Variants in SEL1L3 observed in about 807,000 individuals in gnomAD.
SEL1L3 encodes protein sel-1 homolog 3.
Under a neutral mutation model 142.8 loss-of-function variants are expected in SEL1L3, and 76 were observed. That is an observed-to-expected ratio of 0.53 (90% CI 0.44 to 0.64). The LOEUF (loss-of-function observed/expected upper bound fraction) is 0.64. SEL1L3 is among the 30% of genes least tolerant of loss of function. The pLI is 0.00. For synonymous variants in SEL1L3, 504 were observed against 519.6 expected, an observed-to-expected ratio of 0.97 and a Z score of 0.41; for missense variants, 1,262 against 1,381.7, an observed-to-expected ratio of 0.91 and a Z score of 1.37.
chr4:25,830,245 T>C (rs1235185477), intron 5 of SEL1L3, 89 bp from the exon 6 acceptor site: 1 of 796,054 alleles, frequency 1.3e-6, no homozygotes, highest in African/African-American at 1.7e-5. Flanking sequence ...TCATGATATG[T>C]GTTGGAGAGT....
intron 23 of SEL1L3, among the ~76,000 whole-genome samples, chr4:25,752,144 C>T (rs1392832756): frequency 4.8e-5 from 7 of 146,040 alleles, no homozygotes; most frequent in African/African-American, 1.3e-4. Flanking sequence ...GGGCAAGGTG[C>T]GGTGGCTAAC....
chr4:25,792,231 A>C (rs1712389454), intron 11 of SEL1L3, among the ~76,000 whole-genome samples: 1 of 152,090 alleles, frequency 6.6e-6, no homozygotes, highest in South Asian at 2.1e-4. Flanking sequence ...TAATCCTCAT[A>C]ACAAAGCTTC....
intron 20 of SEL1L3, among the ~76,000 whole-genome samples, chr4:25,763,016 T>C (rs1160833546): frequency 1.3e-5 from 2 of 150,162 alleles, no homozygotes; most frequent in East Asian, 3.9e-4. Flanking sequence ...ATAGATAACA[T>C]GACAGATACA....
At chr4:25,810,397 A>G (rs1002835446) in intron 9 of SEL1L3, among the ~76,000 whole-genome samples, 5 of 152,138 alleles carry the variant, frequency 3.3e-5, no homozygotes, top group African/African-American at 1.2e-4. Flanking sequence ...CCCAGTCCTC[A>G]TCGCATCTCT....
At chr4:25,858,074 G>A (rs1352757776) in intron 1 of SEL1L3, among the ~76,000 whole-genome samples, 1 of 152,274 alleles carries the variant, frequency 6.6e-6, no homozygotes, top group African/African-American at 2.4e-5. Context: ...AATGGCATGA[G>A]CCATTAAACA....
intron 7 of SEL1L3, among the ~76,000 whole-genome samples, chr4:25,820,269 G>A (rs778257414): frequency 5.3e-5 from 8 of 151,970 alleles, no homozygotes; most frequent in Admixed American, 2.0e-4. Flanking sequence ...CAATTCCCAC[G>A]AAAAGATGCA....
At position 25,822,209 on chromosome 4, in the gene SEL1L3, T is replaced by G. The variant is rs1714810455; in HGVS notation, c.1158-81A>C. On this transcript the variant is annotated intron_variant, in intron 6 of 23. Transcript: ENST00000399878. The stretch of plus-strand genomic sequence containing the variant: ...AAACAGTCTCTTTCCTAGACCCTCC[T>G]TGACTTAACCCAAATTGCCCCAAGC... The G allele has an allele frequency of 1.9e-6, 3 of 1,558,510 alleles. No individual in the cohort carries two copies. In the East Asian group the frequency reaches 6.7e-5, roughly 35 times the overall value.
the SEL1L3 span, among the ~76,000 whole-genome samples, chr4:25,727,828 T>A: frequency 0.034 from 5,232 of 152,196 alleles, 307 homozygotes; most frequent in African/African-American, 0.12. Context: ...AGAGATTGGG[T>A]GCCTGTCATG....
chr4:25,742,537 C>G (rs1018625345), downstream of SEL1L3, among the ~76,000 whole-genome samples: 2 of 152,102 alleles, frequency 1.3e-5, no homozygotes, highest in Non-Finnish European at 2.9e-5. Context: ...ACCTCGTGAT[C>G]TGCCTGCCTC....
chr4:25,846,754 C>T (rs965863785), intron 2 of SEL1L3, among the ~76,000 whole-genome samples: 2 of 151,662 alleles, frequency 1.3e-5, no homozygotes, highest in Non-Finnish European at 2.9e-5. Context: ...ACTAAAAATA[C>T]AAAAATTAGC....
intron 11 of SEL1L3, among the ~76,000 whole-genome samples, chr4:25,799,383 CTT>C (rs1713021527): frequency 1.3e-5 from 2 of 152,122 alleles, no homozygotes; most frequent in Non-Finnish European, 1.5e-5. Flanking sequence ...CCTCTAATCT[CTT>C]TTTATAGGGA....
rs1026075450 is a variant in SEL1L3, at chr4:25,747,463, C to T, written c.*962G>A. 1.3e-5 allele frequency: 2 copies of T among 152,072 alleles called. No homozygotes were observed. Among genetic ancestry groups the T allele is most frequent in the Non-Finnish European group, 2.9e-5 (2 of 68,022 alleles). The allele number at this position is 152,072 out of a possible 1,614,324, so 9.4% of individuals were successfully genotyped here. A position where few individuals can be genotyped will look rare whatever the true frequency, so the allele number is the denominator to read the frequency against. ...TGTATAAAAATAATTTTATTTACTA[C>T]TGTAAATAAAGTAGTGCAAAGAGTA... On this transcript the variant is annotated 3_prime_UTR_variant, in exon 24 of 24. Transcript: ENST00000399878.
At chr4:25,774,108 C>T (rs1719431397) in intron 17 of SEL1L3, among the ~76,000 whole-genome samples, 1 of 152,062 alleles carries the variant, frequency 6.6e-6, no homozygotes, top group African/African-American at 2.4e-5. Flanking sequence ...AGTTATCAGG[C>T]AATTGACATG....
At chr4:25,755,933 G>A (rs1313801751) in intron 23 of SEL1L3, 7 of 985,136 alleles carry the variant, frequency 7.1e-6, no homozygotes, top group African/African-American at 1.7e-5. Context: ...TTAAGGATGG[G>A]ACAGAATTTG....
intron 2 of SEL1L3, among the ~76,000 whole-genome samples, chr4:25,836,596 G>C (rs1448111766): frequency 1.3e-5 from 2 of 152,154 alleles, no homozygotes; most frequent in East Asian, 3.8e-4. Context: ...AGGTTGCTGT[G>C]AGCTGAGATG....
At chr4:25,850,031 C>A (rs573294581) in intron 1 of SEL1L3, among the ~76,000 whole-genome samples, 1 of 152,218 alleles carries the variant, frequency 6.6e-6, no homozygotes, top group African/African-American at 2.4e-5. Context: ...AAGGGAAAGG[C>A]ACTGCAAGGG....
At chr4:25,843,513 G>A (rs1280641335) in intron 2 of SEL1L3, among the ~76,000 whole-genome samples, 1 of 152,220 alleles carries the variant, frequency 6.6e-6, no homozygotes, top group Non-Finnish European at 1.5e-5. Flanking sequence ...TCACTGGCCT[G>A]CATGGCTGAT....
chr4:25,862,781 G>C lies in SEL1L3; in HGVS notation c.56C>G (p.Pro19Arg), dbSNP rs535000774. ...GGCCCGGGGGCCGACCGCGAGCGGC[G>C]GGGGTTGCTGCTGCTGCTGCCGCGG... ...GWPRQQQQQP[P>R]PLAVGPRAAA... is the part of the protein sequence containing the mutation. The change falls in exon 1 of 24, where the codon CCG (proline) becomes CGG (arginine). Residue 19 changes from proline (P) to arginine (R), a missense_variant. By Grantham distance (103) the Pro-to-Arg change is moderately radical. Around this residue, in one of 3 missense-constraint regions of SEL1L3, gnomAD observed 689 missense variants for 692.8 expected, o/e 0.99. Coordinates refer to ENST00000399878, the MANE Select transcript of SEL1L3 (RefSeq NM_015187.5). 4 of 1,192,642 alleles carry C rather than the reference G, an allele frequency of 3.4e-6. No individual in the cohort carries two copies. Among genetic ancestry groups the C allele is most frequent in the Non-Finnish European group, 3.1e-6 (3 of 963,732 alleles). The allele number at this position is 1,192,642 out of a possible 1,614,324, so 73.9% of individuals were successfully genotyped here.
chr4:25,714,500 T>C, the SEL1L3 span, among the ~76,000 whole-genome samples: 104 of 109,016 alleles, frequency 9.5e-4, 2 homozygotes, highest in East Asian at 9.9e-3. Context: ...CTTTCTTTCT[T>C]TTTCTTTCTT....
Sources: allele counts gnomAD v4.1 joint callset (sites outside exome capture counted in the v4.1 genomes callset), GRCh38; gene constraint gnomAD v4.1.1; regional missense constraint gnomAD v4.1.1; transcripts MANE v1.5; gene names NCBI Gene and HGNC (gene_info 2026-07-23, HGNC 2026-07-21).